RYR2: variants seen among roughly 807,000 people sequenced by gnomAD.
RYR2 encodes the protein ryanodine receptor 2, also known as cardiac muscle ryanodine receptor-calcium release channel.
In RYR2, 227 loss-of-function variants were observed where a neutral mutation model predicts 601.1. That is an observed-to-expected ratio of 0.38 (90% CI 0.34 to 0.42). The LOEUF (loss-of-function observed/expected upper bound fraction) is 0.42, where lower values mean the gene tolerates loss of function less well. Ranked by LOEUF, RYR2 falls within the 10% of genes least tolerant of loss-of-function variation. The probability of loss-of-function intolerance (pLI) is 1.00; values close to 1 mark genes in which losing one functional copy is unlikely to be tolerated. For missense variants in RYR2, 4,646 were observed against 6,156.5 expected, an observed-to-expected ratio of 0.75 and a Z score of 8.21; for synonymous variants, 2,223 against 2,175.1, an observed-to-expected ratio of 1.02 and a Z score of -0.61.
At chr1:237,391,100 A>G (rs576280175) in intron 10 of RYR2, among the ~76,000 whole-genome samples, 1 of 152,250 alleles carries the variant, frequency 6.6e-6, no homozygotes, top group South Asian at 2.1e-4. Flanking sequence ...TGAATTTCAC[A>G]ATTATATAGC....
intron 1 of RYR2, among the ~76,000 whole-genome samples, chr1:237,209,527 T>C (rs1035576798): frequency 5.4e-5 from 2 of 36,746 alleles, no homozygotes; most frequent in Admixed American, 7.2e-4. Flanking sequence ...TTTTTTTTTT[T>C]CTTTGGGAAG....
At chr1:237,403,043 A>G (rs547677570) in intron 10 of RYR2, among the ~76,000 whole-genome samples, 1 of 152,344 alleles carries the variant, frequency 6.6e-6, no homozygotes, top group African/African-American at 2.4e-5. Flanking sequence ...GGTGGGAGAG[A>G]GGAAGCAGCC....
In RYR2 at chr1:237,614,141, G is replaced by T; in HGVS notation, c.5013G>T (p.Arg1671=). The T allele has an allele frequency of 6.2e-7, 1 of 1,613,984 alleles. No homozygotes were observed. The highest frequency in any genetic ancestry group is 1.1e-5 in the South Asian group (1 of 91,080). ...CCGTCTGTGCTCTTGGGAACCACCG[G>T]GTGGCCCATGCCCTGTGCAGCCATG... ...YSAVCALGNH[R]VAHALCSHVD... Residue 1671 remains arginine, a synonymous_variant, in exon 37 of 105, where the codon CGG becomes CGT. Transcript: ENST00000366574. This position sits in a 1 kb window ranked among gnomAD's most constrained non-coding sequence, Gnocchi z 4.3.
intron 24 of RYR2, among the ~76,000 whole-genome samples, chr1:237,527,124 T>G (rs1394207211): frequency 6.6e-6 from 1 of 152,224 alleles, no homozygotes; most frequent in Non-Finnish European, 1.5e-5. Flanking sequence ...GTATGTGGCT[T>G]TATTTTTGGG....
At chr1:237,667,651 A>G (rs1164062138) in intron 57 of RYR2, among the ~76,000 whole-genome samples, 1 of 152,226 alleles carries the variant, frequency 6.6e-6, no homozygotes, top group Admixed American at 6.5e-5. Flanking sequence ...GTCTTCAAAC[A>G]TTATGAATAA....
chr1:237,793,721 A>G (rs1248824332), intron 94 of RYR2, 146 bp from the exon 95 acceptor site: 6 of 642,560 alleles, frequency 9.3e-6, no homozygotes, highest in African/African-American at 3.7e-5. Flanking sequence ...CTGCTTGAAT[A>G]TAGCTGATTC....
intron 23 of RYR2, among the ~76,000 whole-genome samples, chr1:237,508,734 C>CTT (rs869044432): frequency 4.1e-4 from 32 of 77,676 alleles, no homozygotes; most frequent in South Asian, 1.3e-3. Flanking sequence ...TTCGGGTTTT[C>CTT]TTTTTTTTTT....
intron 34 of RYR2, among the ~76,000 whole-genome samples, chr1:237,598,859 T>G (rs890430535): frequency 3.3e-5 from 5 of 151,780 alleles, no homozygotes; most frequent in African/African-American, 1.2e-4. Context: ...ATACGAAGAG[T>G]TGGTTTTTTG....
At chr1:237,660,151 T>C (rs1397258493) in intron 55 of RYR2, 77 bp downstream of exon 55, 11 of 741,316 alleles carry the variant, frequency 1.5e-5, no homozygotes, top group Non-Finnish European at 2.0e-5. Flanking sequence ...ATATTTTTTA[T>C]ATTAAAATGT....
At chr1:237,067,379 C>T (rs1478227395) in intron 1 of RYR2, among the ~76,000 whole-genome samples, 3 of 152,292 alleles carry the variant, frequency 2.0e-5, no homozygotes, top group South Asian at 2.1e-4. Flanking sequence ...ATTATTCCAG[C>T]AGCATTTGTT....
chr1:237,357,157 G>C (rs1056960282), intron 4 of RYR2, among the ~76,000 whole-genome samples: 1 of 151,940 alleles, frequency 6.6e-6, no homozygotes, highest in Non-Finnish European at 1.5e-5. Flanking sequence ...ATATTGCTGA[G>C]AATAATTTGA....
chr1:237,566,622 C>G lies in RYR2; in HGVS notation c.3270C>G (p.Ala1090=), dbSNP rs1344074824. 2.7e-5 allele frequency: 43 copies of G among 1,613,784 alleles called. No individual in the cohort carries two copies. Among genetic ancestry groups the G allele is most frequent in the Non-Finnish European group, 3.4e-5 (40 of 1,179,888 alleles). ...GTGERFRIFR[A]EKTYAVKAGR... ...GGGAAAGGTTCCGAATCTTCCGTGCCGAGAAGACCTATGCAGTGAAGGCCG... is the reference window on the plus strand; with the variant it reads ...GGGAAAGGTTCCGAATCTTCCGTGCGGAGAAGACCTATGCAGTGAAGGCCG... Residue 1090 remains alanine, a synonymous_variant, in exon 28 of 105, where the codon GCC becomes GCG. Coordinates refer to ENST00000366574, the MANE Select transcript of RYR2 (RefSeq NM_001035.3).
chr1:237,594,584 G>A (rs538132614), intron 33 of RYR2, among the ~76,000 whole-genome samples: 28 of 152,128 alleles, frequency 1.8e-4, no homozygotes, highest in Non-Finnish European at 3.7e-4. Context: ...TGGGATAACT[G>A]AAAGATGATT....
At chr1:237,538,998 C>T (rs565124141) in intron 25 of RYR2, among the ~76,000 whole-genome samples, 3 of 152,024 alleles carry the variant, frequency 2.0e-5, no homozygotes, top group East Asian at 3.9e-4. Context: ...CATAACCTAG[C>T]GGATGACTTT....
rs546031978 is a variant in RYR2, at chr1:237,253,953, A to C, written c.49-16544A>C. Among the ~76,000 whole-genome samples the C allele has an allele frequency of 3.5e-4, 54 of 152,336 alleles. No individual in the cohort carries two copies. The South Asian group carries it at 7.5e-3, about 21-fold the overall frequency. ...GAGATAAATTGGAGGCTGAAATTGCAAACTTATATTTCACTGTGTTTTTCA... is the reference window on the plus strand; with the variant it reads ...GAGATAAATTGGAGGCTGAAATTGCCAACTTATATTTCACTGTGTTTTTCA... On this transcript the variant is annotated intron_variant, in intron 1 of 104. Transcript: ENST00000366574.
chr1:237,305,007 G>A (rs1173893015), intron 2 of RYR2, among the ~76,000 whole-genome samples: 2 of 152,164 alleles, frequency 1.3e-5, no homozygotes, highest in Non-Finnish European at 2.9e-5. Context: ...GCACAACGAG[G>A]TATCATTTCA....
intron 12 of RYR2, among the ~76,000 whole-genome samples, chr1:237,435,263 AAC>A: frequency 6.6e-6 from 1 of 152,280 alleles, no homozygotes; most frequent in African/African-American, 2.4e-5. Context: ...ATTTAATCCT[AAC>A]ACAACTGTAT....
chr1:237,439,643 C>CAAA (rs879854481), intron 12 of RYR2, among the ~76,000 whole-genome samples: 1 of 135,020 alleles, frequency 7.4e-6, no homozygotes, highest in Admixed American at 7.5e-5. Flanking sequence ...GACTCCATCT[C>CAAA]AAAAAAAAAA....
intron 51 of RYR2, among the ~76,000 whole-genome samples, chr1:237,652,806 C>T (rs1682896214): frequency 6.6e-6 from 1 of 151,988 alleles, no homozygotes; most frequent in African/African-American, 2.4e-5. Flanking sequence ...AGAGATATGT[C>T]AGTGTTAAGC....
Sources: allele counts gnomAD v4.1 joint callset (sites outside exome capture counted in the v4.1 genomes callset), GRCh38; gene constraint gnomAD v4.1.1; non-coding constraint Gnocchi (gnomAD v3.1); transcripts MANE v1.5; gene names NCBI Gene and HGNC (gene_info 2026-07-23, HGNC 2026-07-21).